The following DAB1 variants were observed in gnomAD, a reference collection of about 807,000 sequenced individuals.
DAB1 encodes disabled homolog 1.
DAB1 carries 15 observed loss-of-function variants against 64.6 expected under a neutral mutation model. That is an observed-to-expected ratio of 0.23 (90% CI 0.16 to 0.36). DAB1 has a LOEUF of 0.36. Among genes scored for constraint, DAB1 ranks in the 10% least tolerant of loss-of-function variants. DAB1 has a pLI of 1.00. For missense variants in DAB1, 596 were observed against 706.7 expected (o/e 0.84, Z 1.78); for synonymous variants, 235 against 251.9 (o/e 0.93, Z 0.64).
chr1:58,096,124 C>A (rs868753680), intron 5 of DAB1, among the ~76,000 whole-genome samples: 3 of 152,148 alleles, frequency 2.0e-5, no homozygotes, highest in Non-Finnish European at 2.9e-5. Flanking sequence ...AATATTACGA[C>A]TTTAAAAAGA....
chr1:57,918,290 C>A (rs1644759157), intron 5 of DAB1, among the ~76,000 whole-genome samples: 1 of 152,088 alleles, frequency 6.6e-6, no homozygotes, highest in Non-Finnish European at 1.5e-5. Flanking sequence ...AACAGAAAAT[C>A]TGAGACTGGG....
chr1:57,923,131 C>T (rs1644833961), intron 5 of DAB1, among the ~76,000 whole-genome samples: 1 of 151,912 alleles, frequency 6.6e-6, no homozygotes, highest in African/African-American at 2.4e-5. Flanking sequence ...CTGAAGCTGA[C>T]TCTTCTGTCT....
intron 4 of DAB1, among the ~76,000 whole-genome samples, chr1:58,320,946 T>C (rs78907919): frequency 0.045 from 6,808 of 152,284 alleles, 496 homozygotes; most frequent in African/African-American, 0.15. Context: ...GAGCAGCATC[T>C]TTGGCAGTGA....
At chr1:57,490,728 A>G (rs1644152389) in intron 7 of DAB1, among the ~76,000 whole-genome samples, 1 of 152,232 alleles carries the variant, frequency 6.6e-6, no homozygotes, top group Non-Finnish European at 1.5e-5. Context: ...TTTGAACAAT[A>G]TCTAAACAAC....
At chr1:57,961,832 G>A (rs764685126) in intron 5 of DAB1, among the ~76,000 whole-genome samples, 4 of 151,956 alleles carry the variant, frequency 2.6e-5, no homozygotes, top group East Asian at 1.9e-4. Context: ...AAAATTAGCC[G>A]GGCATGGTGG....
intron 2 of DAB1, among the ~76,000 whole-genome samples, chr1:57,277,186 T>C (rs1671533072): frequency 6.6e-6 from 1 of 152,192 alleles, no homozygotes; most frequent in African/African-American, 2.4e-5. Context: ...AAGGTATTTA[T>C]TAGAAGCTAC....
intron 2 of DAB1, among the ~76,000 whole-genome samples, chr1:57,146,229 G>A (rs183524654): frequency 2.0e-4 from 30 of 152,318 alleles, no homozygotes; most frequent in African/African-American, 7.0e-4. Flanking sequence ...TTTTCCAGAT[G>A]ATGAAGTCGA....
At chr1:58,053,126 T>C (rs1352909408) in intron 5 of DAB1, among the ~76,000 whole-genome samples, 1 of 152,204 alleles carries the variant, frequency 6.6e-6, no homozygotes, top group Non-Finnish European at 1.5e-5. Flanking sequence ...TCCACCCCCA[T>C]GGCCCAAACA....
At chr1:57,542,462 G>A (rs571062761) in intron 7 of DAB1, among the ~76,000 whole-genome samples, 1 of 149,302 alleles carries the variant, frequency 6.7e-6, no homozygotes, top group Non-Finnish European at 1.5e-5. Context: ...AAAGCATAAG[G>A]TCTATACTAG....
At chr1:57,203,171 T>A (rs915330754) in intron 2 of DAB1, among the ~76,000 whole-genome samples, 1 of 152,114 alleles carries the variant, frequency 6.6e-6, no homozygotes, top group Non-Finnish European at 1.5e-5. Flanking sequence ...TACAGGATAA[T>A]TGCCCCATAA....
intron 5 of DAB1, among the ~76,000 whole-genome samples, chr1:58,126,415 T>C (rs1185247343): frequency 2.0e-5 from 3 of 151,988 alleles, no homozygotes; most frequent in Admixed American, 2.0e-4. Flanking sequence ...AGCAGTTCCA[T>C]GACTCCTCAT....
intron 2 of DAB1, among the ~76,000 whole-genome samples, chr1:58,519,430 T>C (rs1214814371): frequency 6.6e-6 from 1 of 152,070 alleles, no homozygotes; most frequent in East Asian, 1.9e-4. Context: ...ATGGGAAGCT[T>C]CCCCAAAGAA....
chr1:57,223,925 T>C (rs1667070284), intron 2 of DAB1, among the ~76,000 whole-genome samples: 1 of 152,168 alleles, frequency 6.6e-6, no homozygotes, highest in Non-Finnish European at 1.5e-5. Flanking sequence ...AAAACTGGCT[T>C]TGGAGTCAGA....
intron 1 of DAB1, among the ~76,000 whole-genome samples, chr1:57,343,467 G>A (rs1302572034): frequency 6.6e-6 from 1 of 152,212 alleles, no homozygotes; most frequent in Non-Finnish European, 1.5e-5. Context: ...TGAGCCCTTG[G>A]GTGGTCGATG....
At chr1:57,121,166 A>G (rs1175203733) in intron 4 of DAB1, among the ~76,000 whole-genome samples, 2 of 142,446 alleles carry the variant, frequency 1.4e-5, no homozygotes, top group Non-Finnish European at 3.1e-5. Flanking sequence ...GGAGGAGGAG[A>G]AGGAGGAGAA....
At chr1:57,204,186 G>C (rs758358443) in intron 2 of DAB1, among the ~76,000 whole-genome samples, 1 of 152,080 alleles carries the variant, frequency 6.6e-6, no homozygotes, top group Admixed American at 6.5e-5. Flanking sequence ...TACTGTGCCC[G>C]GCCTGGAGTA....
intron 4 of DAB1, among the ~76,000 whole-genome samples, chr1:58,288,029 AAAAAAAAAAAAAAAAAG>A (rs1394532623): frequency 1.7e-4 from 24 of 142,790 alleles, no homozygotes; most frequent in African/African-American, 5.3e-4. Context: ...CAAAAAAAAA[AAAAAAAAAAAAAAAAAG>A]AAAAAAAAGA....
intron 4 of DAB1, among the ~76,000 whole-genome samples, chr1:57,112,735 C>T (rs927624901): frequency 4.6e-5 from 7 of 151,888 alleles, no homozygotes; most frequent in Admixed American, 2.0e-4. Flanking sequence ...GATGTACAAA[C>T]GAATCAATTT....
At chr1:57,534,080 T>C (rs1644696957) in intron 7 of DAB1, among the ~76,000 whole-genome samples, 1 of 152,116 alleles carries the variant, frequency 6.6e-6, no homozygotes. Context: ...ATGCTCTCTC[T>C]GTCTTCATGG....
Sources: allele counts gnomAD v4.1 joint callset (sites outside exome capture counted in the v4.1 genomes callset), GRCh38; gene constraint gnomAD v4.1.1; transcripts MANE v1.5; gene names NCBI Gene and HGNC (gene_info 2026-07-23, HGNC 2026-07-21).